Variants in ZNF454 observed in about 807,000 individuals in gnomAD.
ZNF454 encodes zinc finger protein 454.
Under a neutral mutation model 48.2 loss-of-function variants are expected in ZNF454, and 30 were observed. The ratio of observed to expected loss-of-function variants is 0.62; its 90% CI spans 0.47 to 0.84. ZNF454 has a LOEUF of 0.84. Among genes scored for constraint, ZNF454 ranks in the 40% least tolerant of loss-of-function variants. The probability of loss-of-function intolerance (pLI) is 0.00; values close to 1 mark genes in which losing one functional copy is unlikely to be tolerated. For missense variants in ZNF454, 510 were observed against 623.1 expected (o/e 0.82, Z 1.93); for synonymous variants, 204 against 211.4 (o/e 0.97, Z 0.30).
the ZNF454 span, among the ~76,000 whole-genome samples, chr5:178,976,541 G>A: frequency 0.024 from 3,643 of 152,236 alleles, 151 homozygotes; most frequent in African/African-American, 0.083. Flanking sequence ...AATGAGTGGG[G>A]TCTGTGTGGG....
downstream of ZNF454, among the ~76,000 whole-genome samples, chr5:178,970,990 C>T (rs1317304904): frequency 1.3e-5 from 2 of 152,186 alleles, no homozygotes; most frequent in Non-Finnish European, 2.9e-5. Flanking sequence ...TTCCCATCAC[C>T]GGGGCCAGCA....
the ZNF454 span, chr5:178,986,297 G>A: frequency 2.2e-4 from 350 of 1,613,986 alleles, 3 homozygotes; most frequent in South Asian, 1.2e-3. Context: ...AAGAGCCTGC[G>A]GGCGGCACAG....
At chr5:178,970,212 C>A (rs1348097002), downstream of ZNF454, among the ~76,000 whole-genome samples, 1 of 152,110 alleles carries the variant, frequency 6.6e-6, no homozygotes, top group East Asian at 1.9e-4. Flanking sequence ...TTATCTGATT[C>A]CTCTCCTTTC....
chr5:178,952,918 CT>C (rs1241028256), intron 4 of ZNF454, among the ~76,000 whole-genome samples: 1 of 151,652 alleles, frequency 6.6e-6, no homozygotes, highest in Non-Finnish European at 1.5e-5. Context: ...TCCCCCTTTT[CT>C]TTATTTTAAG....
rs1446643735 is a variant in ZNF454 at position 178,965,612 on chromosome 5, G to A, written c.1208G>A (p.Arg403Gln). The A allele has an allele frequency of 5.6e-6, 9 of 1,613,326 alleles. No homozygotes were observed. Among genetic ancestry groups the A allele is most frequent in the African/African-American group, 2.7e-5 (2 of 74,708 alleles). Residue 403 changes from arginine to glutamine, a missense_variant, in exon 5 of 5, where the codon CGG becomes CAG. Around this residue, in one of 3 missense-constraint regions of ZNF454, gnomAD observed 153 missense variants for 195.8 expected, o/e 0.78. Transcript: ENST00000519564. The surrounding 1 kb of genome is among the most constrained non-coding windows in gnomAD (Gnocchi z 5.2). ...GATAATTCATCCTTTGCACGACATC[G>A]GAAAATTCACACTGGAGAGAAACCT... is the stretch of plus-strand genomic sequence containing the variant. Reference protein sequence around the residue: ...FRDNSSFARHRKIHTGEKPYR... With the variant: ...FRDNSSFARHQKIHTGEKPYR...
At chr5:178,985,338 A>G in the ZNF454 span, 32 of 446,974 alleles carry the variant, frequency 7.2e-5, no homozygotes, top group Middle Eastern at 9.9e-4. Context: ...AGGACCCAGC[A>G]GGGGAGATGG....
chr5:178,964,846 C>G lies in ZNF454; in HGVS notation c.442C>G (p.Pro148Ala), dbSNP rs1760093605. The change falls in exon 5 of 5, where the codon CCA (proline) becomes GCA (alanine). Residue 148 changes from proline to alanine, a missense_variant. By Grantham distance (27) the Pro-to-Ala change is conservative. Transcript: ENST00000519564. Reference sequence around the variant, plus strand: ...AGTGGTACTCACTCACCCCAACACCCCATCACAGGAATGTGATGAATCCGG... The same window carrying G: ...AGTGGTACTCACTCACCCCAACACCGCATCACAGGAATGTGATGAATCCGG... ...QRVVLTHPNT[P>A]SQECDESGST... The G allele has an allele frequency of 5.6e-6, 9 of 1,614,182 alleles. No homozygotes were observed. Among genetic ancestry groups the G allele is most frequent in the Non-Finnish European group, 6.8e-6 (8 of 1,180,046 alleles).
chr5:178,976,656 G>A, the ZNF454 span, among the ~76,000 whole-genome samples: 1 of 152,172 alleles, frequency 6.6e-6, no homozygotes, highest in Admixed American at 6.5e-5. Context: ...AGTGACTGTG[G>A]GAGGAATGAG....
chr5:178,953,137 G>A (rs956747199), intron 4 of ZNF454, among the ~76,000 whole-genome samples: 3 of 109,242 alleles, frequency 2.7e-5, no homozygotes, highest in East Asian at 5.6e-4. Flanking sequence ...TTCAGTTTTA[G>A]ACATGTATTG....
chr5:178,989,574 C>T, the ZNF454 span, among the ~76,000 whole-genome samples: 5 of 150,312 alleles, frequency 3.3e-5, no homozygotes, highest in Admixed American at 1.3e-4. Flanking sequence ...GTGAGTTAGG[C>T]GTGGCCAGGT....
rs1248349092 is a variant in ZNF454, at chr5:178,946,521, T to C, written c.160+36T>C. 6.4e-7 allele frequency: 1 copy of C among 1,570,354 alleles called. No homozygotes were observed. The highest frequency in any genetic ancestry group is 2.3e-5 in the East Asian group (1 of 44,376). On this transcript the variant is annotated intron_variant, in intron 3 of 4. Coordinates refer to ENST00000519564, the MANE Select transcript of ZNF454 (RefSeq NM_001178089.3). The surrounding 1 kb of genome is among the most constrained non-coding windows in gnomAD (Gnocchi z 4.5). ...CCCCTGCAAGGTTTCTCTTCACTTTTGGGGATCTCTTTGGGACCCTTACAT... is the reference window on the plus strand; with the variant it reads ...CCCCTGCAAGGTTTCTCTTCACTTTCGGGGATCTCTTTGGGACCCTTACAT...
Position 178,946,755 on chromosome 5 carries a change from C to T in ZNF454, c.161-142C>T. 1.2e-6 allele frequency: 1 copy of T among 801,342 alleles called. No individual in the cohort carries two copies. The highest frequency in any genetic ancestry group is 2.0e-6 in the Non-Finnish European group (1 of 493,752). 49.6% of individuals were successfully genotyped at this position (801,342 alleles called of 1,614,324 possible). The stretch of plus-strand genomic sequence containing the variant: ...GTCAGGCCTGAGTAATCTTTTCCTC[C>T]CTCTGGGAACACACCTGACCCTGGG... On this transcript the variant is annotated intron_variant, in intron 3 of 4. Transcript: ENST00000519564. The surrounding 1 kb of genome is among the most constrained non-coding windows in gnomAD (Gnocchi z 4.5).
At chr5:178,973,677 A>G in the ZNF454 span, among the ~76,000 whole-genome samples, 1 of 152,148 alleles carries the variant, frequency 6.6e-6, no homozygotes, top group Admixed American at 6.5e-5. Flanking sequence ...CCCCGTCTCT[A>G]CTAAAAAATA....
the ZNF454 span, chr5:178,986,714 G>C: frequency 6.2e-7 from 1 of 1,604,874 alleles, no homozygotes; most frequent in Non-Finnish European, 8.5e-7. Context: ...AGAGACGAGG[G>C]CACCTCGTGG....
At chr5:178,974,192 A>G in the ZNF454 span, among the ~76,000 whole-genome samples, 5 of 152,224 alleles carry the variant, frequency 3.3e-5, no homozygotes, top group East Asian at 9.7e-4. Context: ...TAGGTAAAGG[A>G]TGCATCAATG....
chr5:178,982,810 G>A, the ZNF454 span: 38,089 of 832,060 alleles, frequency 0.046, 1,400 homozygotes, highest in East Asian at 0.16. Context: ...AGCCAGATAC[G>A]GGATAAACAA....
At chr5:178,989,135 C>A in the ZNF454 span, 2 of 1,613,722 alleles carry the variant, frequency 1.2e-6, no homozygotes, top group Non-Finnish European at 1.7e-6. Context: ...GCGTTCCTCG[C>A]CTGTCCTAGG....
At chr5:178,981,424 ACCATGGG>A in the ZNF454 span, 2 of 489,276 alleles carry the variant, frequency 4.1e-6, no homozygotes, top group Non-Finnish European at 3.7e-6. The surrounding 1 kb of genome is among the most constrained non-coding windows in gnomAD (Gnocchi z 5.1). Flanking sequence ...GCTGTTTCCC[ACCATGGG>A]AAGCGAGTCT....
chr5:178,971,546 C>T, the ZNF454 span, among the ~76,000 whole-genome samples: 1 of 151,950 alleles, frequency 6.6e-6, no homozygotes, highest in Non-Finnish European at 1.5e-5. Flanking sequence ...TGTTTGCTGT[C>T]TCTTAAGAAC....
Sources: gnomAD v4.1 joint callset for allele counts (sites outside exome capture counted in the v4.1 genomes callset) on GRCh38, gnomAD v4.1.1 for gene constraint, gnomAD v4.1.1 regional missense constraint, Gnocchi (gnomAD v3.1) non-coding constraint, MANE v1.5 for transcripts, NCBI Gene and HGNC (gene_info 2026-07-23, HGNC 2026-07-21) for gene names.